The following SND1 variants were observed in gnomAD, a reference collection of about 807,000 sequenced individuals.
SND1 encodes staphylococcal nuclease and tudor domain containing 1, also known as staphylococcal nuclease domain-containing protein 1.
In SND1, 38 loss-of-function variants were observed where a neutral mutation model predicts 121.7. The observed-to-expected ratio is 0.31, with a 90% confidence interval of 0.24 to 0.41. SND1 has a LOEUF of 0.41. Among genes scored for constraint, SND1 ranks in the 10% least tolerant of loss-of-function variants. The pLI is 1.00. For missense variants in SND1, 868 were observed against 1,184.6 expected (o/e 0.73, Z 3.92); for synonymous variants, 401 against 447.4 (o/e 0.90, Z 1.31).
intron 10 of SND1, among the ~76,000 whole-genome samples, chr7:127,723,060 G>C (rs1485598115): frequency 1.3e-5 from 2 of 152,166 alleles, no homozygotes; most frequent in Non-Finnish European, 2.9e-5. Flanking sequence ...ATTCTTGAAC[G>C]TTAATTTTTG....
At chr7:127,756,402 G>A (rs1350471227) in intron 10 of SND1, among the ~76,000 whole-genome samples, 2 of 152,200 alleles carry the variant, frequency 1.3e-5, no homozygotes, top group Non-Finnish European at 2.9e-5. Context: ...GAGCAGAGAG[G>A]GGACTAGAGC....
chr7:128,044,183 A>G (rs767881186), intron 16 of SND1, among the ~76,000 whole-genome samples: 12 of 152,056 alleles, frequency 7.9e-5, no homozygotes, highest in Non-Finnish European at 1.8e-4. Flanking sequence ...CTCCAGACCC[A>G]CCTCCTATCT....
At chr7:127,691,602 A>G (rs1161070455) in intron 2 of SND1, among the ~76,000 whole-genome samples, 1 of 151,736 alleles carries the variant, frequency 6.6e-6, no homozygotes, top group Non-Finnish European at 1.5e-5. Context: ...AAAAAAATAA[A>G]TATTTTGCTG....
At chr7:127,706,227 G>T (rs374236443) in intron 8 of SND1, among the ~76,000 whole-genome samples, 12 of 87,716 alleles carry the variant, frequency 1.4e-4, no homozygotes, top group East Asian at 3.6e-4. Context: ...GATTTTTTTT[G>T]CATTCTTTAA....
chr7:127,689,121 AG>A (rs1795870287), intron 2 of SND1, among the ~76,000 whole-genome samples: 3 of 152,354 alleles, frequency 2.0e-5, no homozygotes, highest in South Asian at 2.1e-4. Context: ...CATATACCTC[AG>A]GGTCGTTTAA....
In SND1 at chr7:127,659,260, C is replaced by A. The variant is rs568813034; in HGVS notation, c.78+6809C>A. On this transcript the variant is annotated intron_variant, in intron 1 of 23. Coordinates refer to ENST00000354725, the MANE Select transcript of SND1 (RefSeq NM_014390.4). ...AACATTCGATATAGATGGAATGTTA[C>A]GGGATTTCACTTACTTTCATTAGAC... is the stretch of plus-strand genomic sequence containing the variant. Among the ~76,000 whole-genome samples the A allele has an allele frequency of 1.3e-4, 20 of 152,228 alleles. No individual in the cohort carries two copies. In the South Asian group the frequency reaches 4.1e-3, roughly 32 times the overall value.
chr7:127,831,271 G>T (rs574724568), intron 11 of SND1, among the ~76,000 whole-genome samples: 3 of 152,334 alleles, frequency 2.0e-5, no homozygotes, highest in Admixed American at 6.5e-5. Flanking sequence ...ACTGCAAAGT[G>T]TTGGGTCTTA....
At chr7:127,857,183 CTTTTTTTT>C (rs71522259) in intron 12 of SND1, among the ~76,000 whole-genome samples, 1 of 67,944 alleles carries the variant, frequency 1.5e-5, no homozygotes, top group Non-Finnish European at 3.0e-5. Context: ...AATGTCAACA[CTTTTTTTT>C]TTTTTTTTTT....
chr7:128,009,773 CT>C (rs35016140), intron 16 of SND1, among the ~76,000 whole-genome samples: 36,723 of 144,664 alleles, frequency 0.25, 5,238 homozygotes, highest in Middle Eastern at 0.48. Flanking sequence ...TTCTCAATAA[CT>C]TTTTTTTTTT....
chr7:127,809,205 T>C (rs761334402), intron 11 of SND1, among the ~76,000 whole-genome samples: 1 of 152,212 alleles, frequency 6.6e-6, no homozygotes, highest in Non-Finnish European at 1.5e-5. Context: ...AGTCAATTCT[T>C]AATCAATTAG....
chr7:127,891,445 G>A (rs765822532), intron 13 of SND1, among the ~76,000 whole-genome samples: 9 of 152,006 alleles, frequency 5.9e-5, no homozygotes, highest in Non-Finnish European at 1.0e-4. Context: ...TGTTCCCTTA[G>A]CATTCTTCTC....
intron 14 of SND1, 44 bp downstream of exon 14, chr7:127,904,863 A>G (rs765671291): frequency 2.5e-6 from 3 of 1,208,896 alleles, no homozygotes; most frequent in Non-Finnish European, 3.7e-6. Flanking sequence ...CAGAGGCTCA[A>G]GAGCGTGTCT....
rs1447493351 is a variant in SND1, at chr7:128,028,896, G to A, written c.1779+37840G>A. The A allele has an allele frequency of 3.1e-6, 5 of 1,613,742 alleles. No homozygotes were observed. The African/African-American group carries it at 4.0e-5, about 13-fold the overall frequency. On this transcript the variant is annotated intron_variant, in intron 16 of 23. Coordinates refer to ENST00000354725, the MANE Select transcript of SND1 (RefSeq NM_014390.4). ...TACACCGGACGGAGCTGCTGTTGCT[G>A]CTGCGGATGTTGCTGCTGGGATGTC...
At chr7:128,030,773 G>A (rs1792565919) in intron 16 of SND1, 3 of 1,180,634 alleles carry the variant, frequency 2.5e-6, no homozygotes, top group East Asian at 2.6e-5. Flanking sequence ...GGCGATTAGA[G>A]AGACGGAGCG....
intron 16 of SND1, among the ~76,000 whole-genome samples, chr7:128,032,904 G>C (rs1396384555): frequency 6.6e-6 from 1 of 152,254 alleles, no homozygotes; most frequent in African/African-American, 2.4e-5. Context: ...CAAGTGTGAT[G>C]AGCTGGGGAA....
At chr7:127,921,707 A>G (rs1377783668) in intron 14 of SND1, among the ~76,000 whole-genome samples, 2 of 152,150 alleles carry the variant, frequency 1.3e-5, no homozygotes, top group Admixed American at 6.5e-5. Context: ...GAGCTGTTCC[A>G]TTGTCCCAAT....
intron 13 of SND1, among the ~76,000 whole-genome samples, chr7:127,895,211 C>A (rs1197701244): frequency 6.6e-6 from 1 of 152,024 alleles, no homozygotes; most frequent in Non-Finnish European, 1.5e-5. Flanking sequence ...ATGACCTCAA[C>A]AAGGGAAAAT....
chr7:127,976,879 G>A (rs940535716), intron 15 of SND1, among the ~76,000 whole-genome samples: 2 of 152,192 alleles, frequency 1.3e-5, no homozygotes, highest in Non-Finnish European at 2.9e-5. Context: ...GGAGGCCGTG[G>A]AGGCAGGAAA....
At chr7:127,732,935 G>A (rs914380844) in intron 10 of SND1, among the ~76,000 whole-genome samples, 2 of 152,304 alleles carry the variant, frequency 1.3e-5, no homozygotes, top group African/African-American at 4.8e-5. Flanking sequence ...TTTGTAAATA[G>A]TGGCGGGAGG....
Sources: gnomAD v4.1 joint callset for allele counts (sites outside exome capture counted in the v4.1 genomes callset) on GRCh38, gnomAD v4.1.1 for gene constraint, MANE v1.5 for transcripts, NCBI Gene and HGNC (gene_info 2026-07-23, HGNC 2026-07-21) for gene names.